The following MB variants were observed in gnomAD, a reference collection of about 807,000 sequenced individuals.
The protein encoded by MB is nitrite reductase MB.
MB carries 10 observed loss-of-function variants against 14.5 expected under a neutral mutation model. The ratio of observed to expected loss-of-function variants is 0.69; its 90% CI spans 0.43 to 1.17. MB has a LOEUF of 1.17. MB is among the 50% of genes most tolerant of loss of function. The probability of loss-of-function intolerance (pLI) is 0.00; values close to 1 mark genes in which losing one functional copy is unlikely to be tolerated. For missense variants in MB, 169 were observed against 192.7 expected, an observed-to-expected ratio of 0.88 and a Z score of 0.73; for synonymous variants, 89 against 78.6, an observed-to-expected ratio of 1.13 and a Z score of -0.70.
chr22:35,615,493 A>T (rs1361588717), intron 1 of MB: 3 of 152,232 alleles, frequency 2.0e-5, no homozygotes, highest in Admixed American at 1.3e-4. Context: ...CTCTTTCAAG[A>T]CGTACAAGTC....
upstream of MB, chr22:35,617,628 C>A (rs545896684): frequency 1.6e-3 from 322 of 204,028 alleles, 1 homozygote; most frequent in Middle Eastern, 4.0e-3. Flanking sequence ...CCACAGAAGC[C>A]GACGCCAGCA....
chr22:35,617,266 C>T lies in MB; in HGVS notation c.-9G>A. ...CCGTCGCTGAGCCCCATGGCGCAGT[C>T]TGAAGAAGACAAAAAGAGCAAGTAT... On this transcript the variant is annotated 5_prime_UTR_variant, in exon 1 of 3. Coordinates refer to ENST00000397326, the MANE Select transcript of MB (RefSeq NM_005368.3). 4 of 1,612,394 alleles carry T rather than the reference C, an allele frequency of 2.5e-6. No individual in the cohort carries two copies. The highest frequency in any genetic ancestry group is 3.4e-6 in the Non-Finnish European group (4 of 1,178,424).
At chr22:35,613,322 A>G (rs1226753435) in intron 1 of MB, among the ~76,000 whole-genome samples, 1 of 152,192 alleles carries the variant, frequency 6.6e-6, no homozygotes, top group African/African-American at 2.4e-5. Context: ...TGGGACTGAC[A>G]GTTACGGAAG....
At chr22:35,622,452 A>T (rs1923533308) in intron 1 of MB, 1 of 152,656 alleles carries the variant, frequency 6.6e-6, no homozygotes. Flanking sequence ...GCTCCTCTCC[A>T]GCCCCTCAGC....
At chr22:35,614,408 C>T (rs538117489) in intron 1 of MB, among the ~76,000 whole-genome samples, 104 of 150,778 alleles carry the variant, frequency 6.9e-4, no homozygotes, top group African/African-American at 1.9e-3. Flanking sequence ...GCCAACATGG[C>T]GAAACCTAGT....
upstream of MB, among the ~76,000 whole-genome samples, chr22:35,618,604 C>T (rs1923251610): frequency 6.6e-6 from 1 of 152,000 alleles, no homozygotes; most frequent in Non-Finnish European, 1.5e-5. Context: ...ATCCATCCAA[C>T]ATCTATCAAT....
At chr22:35,617,524 A>T (rs1004580506), upstream of MB, 5 of 478,434 alleles carry the variant, frequency 1.0e-5, no homozygotes, top group South Asian at 1.3e-4. Context: ...GAGGCAGGAC[A>T]GCTCAGGCCA....
chr22:35,617,282 G>T lies in MB; in HGVS notation c.-25C>A. ...TGGCGCAGTCTGAAGAAGACAAAAA[G>T]AGCAAGTATGGGCTCACTGGGTGTC... On this transcript the variant is annotated 5_prime_UTR_variant, in exon 1 of 3. Coordinates refer to ENST00000397326, the MANE Select transcript of MB (RefSeq NM_005368.3). 1 of 1,588,308 alleles carries T rather than the reference G, an allele frequency of 6.3e-7. No individual in the cohort carries two copies. The highest frequency in any genetic ancestry group is 8.6e-7 in the Non-Finnish European group (1 of 1,156,480).
At chr22:35,615,245 C>T (rs1292211536) in intron 1 of MB, among the ~76,000 whole-genome samples, 4 of 152,182 alleles carry the variant, frequency 2.6e-5, no homozygotes, top group African/African-American at 4.8e-5. Context: ...CATTTGCAGT[C>T]CTGGGCATGA....
At chr22:35,618,381 G>T (rs533082763), upstream of MB, among the ~76,000 whole-genome samples, 3 of 152,254 alleles carry the variant, frequency 2.0e-5, no homozygotes, top group South Asian at 6.2e-4. Flanking sequence ...GTAAATGGGT[G>T]GATGGTTTTG....
intron 1 of MB, among the ~76,000 whole-genome samples, chr22:35,611,558 G>A (rs1221388311): frequency 6.6e-6 from 1 of 152,088 alleles, no homozygotes; most frequent in Non-Finnish European, 1.5e-5. Context: ...GCTACAGGAG[G>A]CTCACTCCTA....
At position 35,610,958 on chromosome 22, in the gene MB, G is replaced by A; in HGVS notation, c.244C>T (p.His82Tyr). 1.2e-6 allele frequency: 2 copies of A among 1,614,176 alleles called. No individual in the cohort carries two copies. Among genetic ancestry groups the A allele is most frequent in the East Asian group, 2.2e-5 (1 of 44,878 alleles). Residue 82 changes from histidine to tyrosine, a missense_variant, in exon 2 of 3, where the codon CAT (histidine) becomes TAT (tyrosine). His to Tyr is a moderately conservative substitution (Grantham distance 83, BLOSUM62 2). Transcript: ENST00000397326. ...ALGGILKKKG[H>Y]HEAEIKPLAQ... ...AGGGGCTTAATCTCTGCCTCATGAT[G>A]CCCCTTCTTCTTAAGGATGCCACCC...
intron 1 of MB, among the ~76,000 whole-genome samples, chr22:35,615,085 C>A (rs375862326): frequency 2.0e-5 from 3 of 152,160 alleles, no homozygotes; most frequent in South Asian, 4.1e-4. Flanking sequence ...TGTGTACGTG[C>A]AGTGAAGGCC....
rs16995883 is a variant in MB, at chr22:35,608,944, C to A, written c.319-1501G>T. Reference sequence around the variant, plus strand: ...AGACTGTCTTATGAACAGCGCAGAGCGAAGGTCCACCGTGAGGGGGAAAAG... The same window carrying A: ...AGACTGTCTTATGAACAGCGCAGAGAGAAGGTCCACCGTGAGGGGGAAAAG... On this transcript the variant is annotated intron_variant, in intron 2 of 2. Transcript: ENST00000397326. The surrounding 1 kb of genome is among the most constrained non-coding windows in gnomAD (Gnocchi z 4.3). Among the ~76,000 whole-genome samples, 1 of 152,086 alleles carries A rather than the reference C, an allele frequency of 6.6e-6. No individual in the cohort carries two copies. The highest frequency in any genetic ancestry group is 2.4e-5 in the African/African-American group (1 of 41,382).
chr22:35,607,480 G>A (rs1267751632), intron 2 of MB, 37 bp from the exon 3 acceptor site: 2 of 1,604,896 alleles, frequency 1.2e-6, no homozygotes, highest in South Asian at 1.1e-5. Flanking sequence ...GGTCACCAGG[G>A]TGGGACAAGC....
intron 1 of MB, among the ~76,000 whole-genome samples, chr22:35,614,724 A>C (rs1446354069): frequency 7.5e-6 from 1 of 133,244 alleles, no homozygotes; most frequent in African/African-American, 3.2e-5. Flanking sequence ...TCTCCTCCTC[A>C]TCATCTCTAC....
Position 35,610,959 on chromosome 22 carries a change from C to T in MB, c.243G>A (p.Gly81=), listed in dbSNP as rs1304914370. The T allele has an allele frequency of 4.3e-6, 7 of 1,614,088 alleles. No homozygotes were observed. The highest frequency in any genetic ancestry group is 5.9e-6 in the Non-Finnish European group (7 of 1,180,048). ...GGGGCTTAATCTCTGCCTCATGATG[C>T]CCCTTCTTCTTAAGGATGCCACCCA... The part of the protein sequence containing the change: ...TALGGILKKK[G]HHEAEIKPLA... The change falls in exon 2 of 3, where the codon GGG becomes GGA. Residue 81 remains glycine, a synonymous_variant. Transcript: ENST00000397326.
chr22:35,613,889 G>T (rs1305009463), intron 1 of MB, among the ~76,000 whole-genome samples: 1 of 152,214 alleles, frequency 6.6e-6, no homozygotes, highest in African/African-American at 2.4e-5. Context: ...CCTCCTGTGG[G>T]CCCAGGCCTT....
intron 1 of MB, among the ~76,000 whole-genome samples, chr22:35,611,446 G>C (rs1228074963): frequency 1.3e-5 from 2 of 152,176 alleles, no homozygotes; most frequent in African/African-American, 4.8e-5. Flanking sequence ...AGCCAGGCTG[G>C]AATGAGGTCT....
Sources: gnomAD v4.1 joint callset for allele counts (sites outside exome capture counted in the v4.1 genomes callset) on GRCh38, gnomAD v4.1.1 for gene constraint, Gnocchi (gnomAD v3.1) non-coding constraint, MANE v1.5 for transcripts, NCBI Gene and HGNC (gene_info 2026-07-23, HGNC 2026-07-21) for gene names.